Variants in MSI2 observed in about 807,000 individuals in gnomAD.
MSI2 encodes the protein RNA-binding protein Musashi homolog 2.
In MSI2, 17 loss-of-function variants were observed where a neutral mutation model predicts 45.6. The ratio of observed to expected loss-of-function variants is 0.37; its 90% CI spans 0.26 to 0.56. The LOEUF is 0.56. MSI2 is among the 20% of genes least tolerant of loss of function. MSI2 has a pLI of 0.77. For synonymous variants in MSI2, 156 were observed against 158.2 expected, an observed-to-expected ratio of 0.99 and a Z score of 0.11; for missense variants, 293 against 444.2, an observed-to-expected ratio of 0.66 and a Z score of 3.06.
Position 57,353,456 on chromosome 17 carries a change from C to G in MSI2, c.313-47923C>G, listed in dbSNP as rs143263701. On this transcript the variant is annotated intron_variant, in intron 5 of 13. Coordinates refer to ENST00000284073, the MANE Select transcript of MSI2 (RefSeq NM_138962.4). Reference sequence around the variant, plus strand: ...CAAGGCTAAAGATGGACTTGGTGCACTGATACATGGTTCAGTTAGGAACAG... The same window carrying G: ...CAAGGCTAAAGATGGACTTGGTGCAGTGATACATGGTTCAGTTAGGAACAG... Among the ~76,000 whole-genome samples, 58 of 152,294 alleles carry G rather than the reference C, an allele frequency of 3.8e-4. 1 individual carries two copies. Among genetic ancestry groups the G allele is most frequent in the African/African-American group, 9.1e-4 (38 of 41,556 alleles).
Position 57,571,312 on chromosome 17 carries a change from C to T in MSI2, c.455-25556C>T, listed in dbSNP as rs142493485. On this transcript the variant is annotated intron_variant, in intron 7 of 13. Coordinates refer to ENST00000284073, the MANE Select transcript of MSI2 (RefSeq NM_138962.4). ...GAATCAATCCACAACTTGCTTTTGT[C>T]GTTTGTTAAGTCTTCTCTCCCCGCA... Among the ~76,000 whole-genome samples the T allele has an allele frequency of 7.3e-4, 111 of 152,270 alleles. 1 individual carries two copies. The highest frequency in any genetic ancestry group is 6.8e-3 in the Middle Eastern group (2 of 294).
chr17:57,364,336 TC>T (rs549512619), intron 5 of MSI2, among the ~76,000 whole-genome samples: 214 of 152,270 alleles, frequency 1.4e-3, no homozygotes, highest in African/African-American at 4.8e-3. Flanking sequence ...TACATATTTT[TC>T]TCCCTGCTCT....
intron 9 of MSI2, among the ~76,000 whole-genome samples, chr17:57,619,493 GA>G (rs1908077700): frequency 6.6e-6 from 1 of 152,218 alleles, no homozygotes; most frequent in African/African-American, 2.4e-5. Context: ...CATTTCAGCA[GA>G]AATGAGAAGG....
chr17:57,387,857 A>C (rs946494464), intron 5 of MSI2, among the ~76,000 whole-genome samples: 5 of 152,256 alleles, frequency 3.3e-5, no homozygotes, highest in African/African-American at 1.2e-4. Context: ...AGAGGGACTT[A>C]ATTGTGTGCC....
intron 7 of MSI2, among the ~76,000 whole-genome samples, chr17:57,559,613 G>C (rs2087524616): frequency 6.6e-6 from 1 of 152,224 alleles, no homozygotes; most frequent in African/African-American, 2.4e-5. Flanking sequence ...GCAGGCACTG[G>C]GGTGAGGGAA....
rs1341667464 is a variant in MSI2 at position 57,636,467 on chromosome 17, A to G, written c.727+9164A>G. On this transcript the variant is annotated intron_variant, in intron 10 of 13. Coordinates refer to ENST00000284073, the MANE Select transcript of MSI2 (RefSeq NM_138962.4). The stretch of plus-strand genomic sequence containing the variant: ...ATCCACCCCCTCCTCTAGCCCACCC[A>G]AGTGGCAGAGACCTCTGCGGTCAGT... Among the ~76,000 whole-genome samples, 4 of 152,146 alleles carry G rather than the reference A, an allele frequency of 2.6e-5. 1 individual carries two copies. The South Asian group carries it at 8.3e-4, about 32-fold the overall frequency.
rs528338031 is a variant in MSI2 at position 57,334,995 on chromosome 17, G to A, written c.313-66384G>A. On this transcript the variant is annotated intron_variant, in intron 5 of 13. Transcript: ENST00000284073. ...CTGTAGTTATGATTTGTTCTTTGTA[G>A]TTAATTTAAAATAAGCATAATCTTT... 5.9e-5 allele frequency among the ~76,000 whole-genome samples: 9 copies of A among 151,654 alleles called. No homozygotes were observed. The East Asian group carries it at 1.7e-3, about 29-fold the overall frequency.
intron 7 of MSI2, among the ~76,000 whole-genome samples, chr17:57,584,675 G>C (rs2144386190): frequency 6.6e-6 from 1 of 152,314 alleles, no homozygotes; most frequent in Admixed American, 6.5e-5. Flanking sequence ...TTGGAGAAAG[G>C]CGAGTGAGCA....
the MSI2 span, among the ~76,000 whole-genome samples, chr17:57,697,916 C>T: frequency 2.6e-5 from 4 of 152,120 alleles, no homozygotes; most frequent in East Asian, 1.9e-4. Flanking sequence ...CCATATCACT[C>T]GGGCACCTGC....
At chr17:57,468,520 C>CAAA (rs56105862) in intron 6 of MSI2, among the ~76,000 whole-genome samples, 89 of 104,338 alleles carry the variant, frequency 8.5e-4, no homozygotes, top group South Asian at 5.6e-3. Flanking sequence ...GACTCTATCT[C>CAAA]AAAAAAAAAA....
chr17:57,614,191 C>T (rs1188743770), intron 8 of MSI2, among the ~76,000 whole-genome samples: 1 of 152,104 alleles, frequency 6.6e-6, no homozygotes, highest in Non-Finnish European at 1.5e-5. Flanking sequence ...GCTGGGATTA[C>T]AGGAGCATGC....
chr17:57,465,066 G>T (rs1010322908), intron 6 of MSI2, among the ~76,000 whole-genome samples: 1 of 152,130 alleles, frequency 6.6e-6, no homozygotes, highest in African/African-American at 2.4e-5. Flanking sequence ...AATTTTTTTT[G>T]ATGGAACCAT....
intron 8 of MSI2, among the ~76,000 whole-genome samples, chr17:57,597,716 G>A (rs1418471353): frequency 1.3e-5 from 2 of 152,224 alleles, no homozygotes; most frequent in Non-Finnish European, 2.9e-5. Context: ...TGACCTATGA[G>A]TCGTAACTTG....
At chr17:57,516,207 C>T (rs755217371) in intron 6 of MSI2, among the ~76,000 whole-genome samples, 5 of 152,152 alleles carry the variant, frequency 3.3e-5, no homozygotes, top group Non-Finnish European at 5.9e-5. Context: ...TACACCCTGG[C>T]CCCACTCCTA....
intron 5 of MSI2, among the ~76,000 whole-genome samples, chr17:57,282,835 C>CTT (rs564440544): frequency 6.5e-5 from 6 of 92,754 alleles, no homozygotes; most frequent in African/African-American, 1.7e-4. Flanking sequence ...GGGGGGCAGA[C>CTT]TTTTTTTTTT....
At chr17:57,327,150 C>T (rs1263242805) in intron 5 of MSI2, among the ~76,000 whole-genome samples, 1 of 152,108 alleles carries the variant, frequency 6.6e-6, no homozygotes, top group Non-Finnish European at 1.5e-5. Context: ...GGTAATCCAC[C>T]GTAATCCAAG....
chr17:57,383,158 G>A lies in MSI2; in HGVS notation c.313-18221G>A, dbSNP rs74983789. 1.5e-3 allele frequency among the ~76,000 whole-genome samples: 230 copies of A among 152,314 alleles called. 5 individuals are homozygous for A. The East Asian group carries it at 0.043, about 28-fold the overall frequency. Reference sequence around the variant, plus strand: ...CTGGACAGGAAATGAGTTGTTCTGAGCCACAGATGCCACTTGGAGAACAAC... The same window carrying A: ...CTGGACAGGAAATGAGTTGTTCTGAACCACAGATGCCACTTGGAGAACAAC... On this transcript the variant is annotated intron_variant, in intron 5 of 13. Coordinates refer to ENST00000284073, the MANE Select transcript of MSI2 (RefSeq NM_138962.4).
In MSI2 at chr17:57,684,120, G is replaced by A. The variant is rs886818862; in HGVS notation, c.*4603G>A. ...CAGGGGCATGATGGGGGAGGGGGCC[G>A]GAGGCTGAGAGACAAAAGTTCCAGA... On this transcript the variant is annotated 3_prime_UTR_variant, in exon 14 of 14. Coordinates refer to ENST00000284073, the MANE Select transcript of MSI2 (RefSeq NM_138962.4). 1.8e-5 allele frequency: 4 copies of A among 220,744 alleles called. No homozygotes were observed. The highest frequency in any genetic ancestry group is 3.6e-5 in the Non-Finnish European group (4 of 110,196). 13.7% of individuals were successfully genotyped at this position (220,744 alleles called of 1,614,324 possible).
chr17:57,641,191 G>A (rs1567954683), intron 10 of MSI2, among the ~76,000 whole-genome samples: 4 of 152,176 alleles, frequency 2.6e-5, no homozygotes. Flanking sequence ...AGAAGTGGTG[G>A]AGCATCTAGG....
Sources: gnomAD v4.1 joint callset for allele counts (sites outside exome capture counted in the v4.1 genomes callset) on GRCh38, gnomAD v4.1.1 for gene constraint, MANE v1.5 for transcripts, NCBI Gene and HGNC (gene_info 2026-07-23, HGNC 2026-07-21) for gene names.